The following PAK5 variants were observed in gnomAD, a reference collection of about 807,000 sequenced individuals.
PAK5 encodes the protein serine/threonine-protein kinase PAK 5.
In PAK5, 16 loss-of-function variants were observed where a neutral mutation model predicts 65.9. The observed-to-expected ratio is 0.24, with a 90% CI of 0.16 to 0.37. PAK5 has a LOEUF of 0.37. PAK5 is among the 10% of genes least tolerant of loss of function. The pLI is 1.00. For synonymous variants in PAK5, 371 were observed against 354.9 expected (o/e 1.05, Z -0.51); for missense variants, 785 against 903.9 (o/e 0.87, Z 1.69).
At chr20:9,665,962 C>T (rs962252907) in intron 2 of PAK5, among the ~76,000 whole-genome samples, 1 of 152,042 alleles carries the variant, frequency 6.6e-6, no homozygotes, top group South Asian at 2.1e-4. Flanking sequence ...GACTCCATGG[C>T]CCAGGCTATT....
intron 3 of PAK5, among the ~76,000 whole-genome samples, chr20:9,610,165 C>A (rs1160710012): frequency 6.6e-6 from 1 of 152,124 alleles, no homozygotes; most frequent in Non-Finnish European, 1.5e-5. Context: ...CACCGCCATA[C>A]GCAAAGCCGA....
chr20:9,806,235 C>T (rs751453842), intron 1 of PAK5, among the ~76,000 whole-genome samples: 5 of 152,022 alleles, frequency 3.3e-5, no homozygotes, highest in East Asian at 1.9e-4. Context: ...GTGACCTGCC[C>T]GCCTCTGCCT....
At chr20:9,558,512 G>A (rs1449587627) in intron 6 of PAK5, among the ~76,000 whole-genome samples, 1 of 152,098 alleles carries the variant, frequency 6.6e-6, no homozygotes, top group Non-Finnish European at 1.5e-5. Context: ...TTCAGGCGTG[G>A]CTGTTAAATG....
At chr20:9,662,729 G>T (rs73065648) in intron 2 of PAK5, among the ~76,000 whole-genome samples, 2,706 of 152,160 alleles carry the variant, frequency 0.018, 33 homozygotes, top group Non-Finnish European at 0.028. Flanking sequence ...ATGAAGTTCT[G>T]GGGTCTAGTT....
intron 2 of PAK5, among the ~76,000 whole-genome samples, chr20:9,660,635 T>C (rs932490707): frequency 6.6e-6 from 1 of 152,070 alleles, no homozygotes; most frequent in African/African-American, 2.4e-5. Flanking sequence ...TGGATAGGGA[T>C]GAGAAGATGT....
intron 6 of PAK5, among the ~76,000 whole-genome samples, chr20:9,559,110 G>C (rs2122962804): frequency 6.6e-6 from 1 of 152,230 alleles, no homozygotes; most frequent in African/African-American, 2.4e-5. Context: ...TTATTTGGAT[G>C]GCACAGGTTG....
At chr20:9,630,423 C>T (rs1282048672) in intron 3 of PAK5, among the ~76,000 whole-genome samples, 18 of 152,318 alleles carry the variant, frequency 1.2e-4, no homozygotes, top group African/African-American at 3.8e-4. Flanking sequence ...CATCGTCCCT[C>T]AGTCATCTCA....
chr20:9,643,383 A>G lies in PAK5; in HGVS notation c.204+742T>C, dbSNP rs535697354. ...TGGATTTTCTTTGTAGTAACTTGGCATAACTGAAATCTTTTTGGGTCTGCT... is the reference window on the plus strand; with the variant it reads ...TGGATTTTCTTTGTAGTAACTTGGCGTAACTGAAATCTTTTTGGGTCTGCT... On this transcript the variant is annotated intron_variant, in intron 3 of 9. Coordinates refer to ENST00000353224, the MANE Select transcript of PAK5 (RefSeq NM_177990.4). Among the ~76,000 whole-genome samples, 5 of 152,356 alleles carry G rather than the reference A, an allele frequency of 3.3e-5. No individual in the cohort carries two copies. In the East Asian group the frequency reaches 7.7e-4, roughly 23 times the overall value.
intron 8 of PAK5, among the ~76,000 whole-genome samples, chr20:9,544,155 G>A (rs1350268844): frequency 2.6e-5 from 4 of 152,144 alleles, no homozygotes; most frequent in African/African-American, 9.7e-5. Context: ...GCAATAAACA[G>A]CCCTTGGATA....
intron 3 of PAK5, among the ~76,000 whole-genome samples, chr20:9,596,281 C>T (rs547328445): frequency 1.3e-5 from 2 of 152,256 alleles, no homozygotes; most frequent in East Asian, 3.9e-4. Flanking sequence ...TAGGAAAATA[C>T]TACCCCACTG....
At chr20:9,732,688 A>C (rs937669472) in intron 1 of PAK5, among the ~76,000 whole-genome samples, 2 of 152,100 alleles carry the variant, frequency 1.3e-5, no homozygotes, top group African/African-American at 4.8e-5. Context: ...GGCTATAGGG[A>C]GTTCAAGGGT....
intron 7 of PAK5, among the ~76,000 whole-genome samples, chr20:9,554,870 T>G (rs1379682836): frequency 6.6e-6 from 1 of 152,184 alleles, no homozygotes; most frequent in Non-Finnish European, 1.5e-5. Flanking sequence ...CTGCCTGGAA[T>G]GCTCCTGTTT....
At chr20:9,600,737 T>A (rs1370196496) in intron 3 of PAK5, among the ~76,000 whole-genome samples, 3 of 152,218 alleles carry the variant, frequency 2.0e-5, no homozygotes, top group Non-Finnish European at 4.4e-5. Context: ...TCTGCTGTCC[T>A]CACATTTCCC....
intron 1 of PAK5, among the ~76,000 whole-genome samples, chr20:9,722,663 G>A (rs890091552): frequency 1.3e-5 from 2 of 152,074 alleles, no homozygotes; most frequent in East Asian, 3.9e-4. Context: ...TAAGTAGCCA[G>A]TGACCAGACC....
intron 3 of PAK5, among the ~76,000 whole-genome samples, chr20:9,621,590 A>C (rs929618605): frequency 6.6e-6 from 1 of 152,146 alleles, no homozygotes; most frequent in Non-Finnish European, 1.5e-5. Flanking sequence ...AATGAAAAAA[A>C]CTCTTACATA....
At chr20:9,561,052 C>A (rs2045582858) in intron 6 of PAK5, among the ~76,000 whole-genome samples, 1 of 152,146 alleles carries the variant, frequency 6.6e-6, no homozygotes, top group Admixed American at 6.6e-5. Context: ...AGCAGTTATT[C>A]AATATCTATT....
chr20:9,655,445 T>C (rs1010030628), intron 2 of PAK5, among the ~76,000 whole-genome samples: 1 of 151,890 alleles, frequency 6.6e-6, no homozygotes, highest in Non-Finnish European at 1.5e-5. Flanking sequence ...ATTTGGGGTG[T>C]TATGTTAAAA....
At chr20:9,640,372 C>T (rs2047038282) in intron 3 of PAK5, among the ~76,000 whole-genome samples, 1 of 151,858 alleles carries the variant, frequency 6.6e-6, no homozygotes, top group African/African-American at 2.4e-5. Flanking sequence ...TCATCCATGT[C>T]CCTACAAAGG....
At chr20:9,659,657 G>A (rs1260063156) in intron 2 of PAK5, among the ~76,000 whole-genome samples, 1 of 152,114 alleles carries the variant, frequency 6.6e-6, no homozygotes, top group Non-Finnish European at 1.5e-5. Context: ...TTGCTGTTAC[G>A]AGTAAAGAAT....
Sources: gnomAD v4.1 joint callset for allele counts (sites outside exome capture counted in the v4.1 genomes callset) on GRCh38, gnomAD v4.1.1 for gene constraint, MANE v1.5 for transcripts, NCBI Gene and HGNC (gene_info 2026-07-23, HGNC 2026-07-21) for gene names.